COBLL1: variants seen among roughly 807,000 people sequenced by gnomAD.
The protein encoded by COBLL1 is cordon-bleu protein-like 1.
In COBLL1, 50 loss-of-function variants were observed where a neutral mutation model predicts 94.8. The observed-to-expected ratio is 0.53, with a 90% CI of 0.42 to 0.67. The LOEUF is 0.67. Among genes scored for constraint, COBLL1 ranks in the 30% least tolerant of loss-of-function variants. The pLI is 0.00. For missense variants in COBLL1, 1,362 were observed against 1,348.7 expected, an observed-to-expected ratio of 1.01 and a Z score of -0.15; for synonymous variants, 448 against 473.8, an observed-to-expected ratio of 0.95 and a Z score of 0.71.
chr2:164,730,019 G>A lies in COBLL1; in HGVS notation c.327C>T (p.His109=), dbSNP rs753181175. The part of the protein sequence containing the change: ...TIDLLSAEQN[H]IKFKPNTPIG... ...TTGGTGTGTTTGGCTTAAATTTAAT[G>A]TGGTTCTGTTCAGCTGACAACAGAT... Residue 109 remains histidine, a synonymous_variant, in exon 4 of 14, where the codon CAC becomes CAT. Transcript: ENST00000652658. The A allele has an allele frequency of 1.1e-5, 18 of 1,613,842 alleles. No homozygotes were observed. The highest frequency in any genetic ancestry group is 2.7e-5 in the African/African-American group (2 of 74,892).
chr2:164,675,072 C>A (rs1026575219), intron 1 of COBLL1, among the ~76,000 whole-genome samples: 3 of 151,932 alleles, frequency 2.0e-5, no homozygotes, highest in Non-Finnish European at 4.4e-5. Context: ...CCTTAAGGCA[C>A]AAATCTTTGT....
intron 7 of COBLL1, among the ~76,000 whole-genome samples, chr2:164,720,916 T>C (rs1193422860): frequency 1.3e-5 from 2 of 152,184 alleles, no homozygotes; most frequent in African/African-American, 4.8e-5. Context: ...ATTTGTGAGA[T>C]TGGATGAGAT....
intron 2 of COBLL1, among the ~76,000 whole-genome samples, chr2:164,809,344 C>T (rs775114830): frequency 6.6e-6 from 1 of 152,034 alleles, no homozygotes; most frequent in African/African-American, 2.4e-5. Context: ...ATAATGAACT[C>T]TTATTCCTAC....
chr2:164,838,806 T>A (rs1286089551), intron 2 of COBLL1, among the ~76,000 whole-genome samples: 1 of 152,190 alleles, frequency 6.6e-6, no homozygotes, highest in East Asian at 1.9e-4. Flanking sequence ...AAGTAATGAG[T>A]TATGATATAA....
In COBLL1 at chr2:164,683,511, A is replaced by G. The variant is rs1328316870; in HGVS notation, c.*2435T>C. The G allele has an allele frequency of 6.6e-6, 1 of 152,096 alleles. No homozygotes were observed. Among genetic ancestry groups the G allele is most frequent in the Non-Finnish European group, 1.5e-5 (1 of 68,008 alleles). The allele number at this position is 152,096 out of a possible 1,614,324, so 9.4% of individuals were successfully genotyped here. ...ACCTTTAAAACATTATTTTATTATA[A>G]TTATAAACTACAAGTATACTAGAAT... On this transcript the variant is annotated 3_prime_UTR_variant, in exon 14 of 14. Transcript: ENST00000652658.
At chr2:164,730,732 C>T (rs890491432) in intron 3 of COBLL1, among the ~76,000 whole-genome samples, 4 of 152,088 alleles carry the variant, frequency 2.6e-5, no homozygotes, top group African/African-American at 7.3e-5. Context: ...AGCAGTCCTT[C>T]ACAACACATT....
Position 164,700,539 on chromosome 2 carries a change from A to G in COBLL1, c.1443T>C (p.Thr481=). The G allele has an allele frequency of 1.2e-6, 2 of 1,612,286 alleles. No individual in the cohort carries two copies. The highest frequency in any genetic ancestry group is 8.5e-7 in the Non-Finnish European group (1 of 1,178,558). ...CTACTTACTGTCCATCTGTGCTTTT[A>G]GTTTCTTGTTTTTCTTCCATGGAGT... ...SQNSMEEKQE[T]KSTDGQEPHS... is the part of the protein sequence containing the mutation. Residue 481 remains threonine, a synonymous_variant, in exon 10 of 14, where the codon ACT becomes ACC. Transcript: ENST00000652658.
At chr2:164,719,964 T>C (rs78128481) in intron 7 of COBLL1, among the ~76,000 whole-genome samples, 63 of 151,522 alleles carry the variant, frequency 4.2e-4, no homozygotes, top group Middle Eastern at 3.4e-3. Context: ...GGCTGAGATA[T>C]AAGAAGAGGT....
chr2:164,751,019 C>T (rs1299931218), intron 2 of COBLL1, among the ~76,000 whole-genome samples: 1 of 152,194 alleles, frequency 6.6e-6, no homozygotes, highest in African/African-American at 2.4e-5. Flanking sequence ...AGTCTCTTCA[C>T]ATCCAAGAGC....
At chr2:164,768,077 G>A (rs944351535) in intron 2 of COBLL1, among the ~76,000 whole-genome samples, 8 of 152,120 alleles carry the variant, frequency 5.3e-5, no homozygotes, top group Non-Finnish European at 1.0e-4. Context: ...GTCACTAGAT[G>A]CAGGATTGCT....
At chr2:164,695,865 A>G (rs1683918874) in intron 11 of COBLL1, 29 bp from the exon 12 acceptor site, 3 of 1,500,778 alleles carry the variant, frequency 2.0e-6, no homozygotes, top group South Asian at 1.3e-5. Flanking sequence ...CAAGTTAAAT[A>G]TATGAAAGAA....
chr2:164,725,198 G>A (rs534108916), intron 5 of COBLL1, among the ~76,000 whole-genome samples: 4 of 149,302 alleles, frequency 2.7e-5, no homozygotes, highest in South Asian at 2.1e-4. Flanking sequence ...GAGAGTTTTC[G>A]TAACTTGCAC....
At chr2:164,763,906 T>A (rs1489686312) in intron 2 of COBLL1, among the ~76,000 whole-genome samples, 2 of 152,240 alleles carry the variant, frequency 1.3e-5, no homozygotes, top group East Asian at 3.8e-4. Flanking sequence ...TTTCTTTTTC[T>A]TTATGTTTGA....
intron 2 of COBLL1, among the ~76,000 whole-genome samples, chr2:164,784,133 C>G (rs1688836022): frequency 6.6e-6 from 1 of 152,208 alleles, no homozygotes; most frequent in African/African-American, 2.4e-5. Flanking sequence ...TCCTTTCTCT[C>G]TCGTCTCATG....
intron 2 of COBLL1, among the ~76,000 whole-genome samples, chr2:164,803,332 G>A (rs934854814): frequency 6.6e-6 from 1 of 151,948 alleles, no homozygotes; most frequent in African/African-American, 2.4e-5. Flanking sequence ...TTGGGAGGCC[G>A]AGGCGGGCGG....
At chr2:164,738,441 T>A (rs1249833451) in intron 3 of COBLL1, among the ~76,000 whole-genome samples, 2 of 152,204 alleles carry the variant, frequency 1.3e-5, no homozygotes, top group Non-Finnish European at 2.9e-5. Flanking sequence ...GGTTTCTATA[T>A]CTGTTTAGTC....
intron 2 of COBLL1, among the ~76,000 whole-genome samples, chr2:164,792,941 G>A (rs570618814): frequency 1.3e-5 from 2 of 152,130 alleles, no homozygotes; most frequent in South Asian, 4.2e-4. Flanking sequence ...TCTACTGGCA[G>A]ACACACCCTA....
chr2:164,775,236 C>A (rs1574564628), intron 2 of COBLL1, among the ~76,000 whole-genome samples: 3 of 152,202 alleles, frequency 2.0e-5, no homozygotes, highest in East Asian at 3.9e-4. Context: ...GGCTACCACC[C>A]CCAACCCCAC....
chr2:164,767,974 C>T lies in COBLL1; in HGVS notation c.42-24099G>A, dbSNP rs75479628. ...TTACCCTACTGGTCCTAGCCCCAAA[C>T]GGTGCAAAGAACAGACTTTCAGCAT... On this transcript the variant is annotated intron_variant, in intron 2 of 13. Transcript: ENST00000652658. Among the ~76,000 whole-genome samples, 1,238 of 152,220 alleles carry T rather than the reference C, an allele frequency of 8.1e-3. 12 individuals carry two copies. The highest frequency in any genetic ancestry group is 0.028 in the African/African-American group (1,172 of 41,532).
Sources: allele counts gnomAD v4.1 joint callset (sites outside exome capture counted in the v4.1 genomes callset), GRCh38; gene constraint gnomAD v4.1.1; transcripts MANE v1.5; gene names NCBI Gene and HGNC (gene_info 2026-07-23, HGNC 2026-07-21).